GRIA1: variants seen among roughly 807,000 people sequenced by gnomAD.
GRIA1 encodes the protein glutamate ionotropic receptor AMPA type subunit 1.
In GRIA1, 31 loss-of-function variants were observed where a neutral mutation model predicts 99.2. That is an observed-to-expected ratio of 0.31 (90% CI 0.23 to 0.42). The LOEUF (loss-of-function observed/expected upper bound fraction) is 0.42. Among genes scored for constraint, GRIA1 ranks in the 10% least tolerant of loss-of-function variants. The pLI is 1.00. For synonymous variants in GRIA1, 438 were observed against 432.4 expected (o/e 1.01, Z -0.16); for missense variants, 782 against 1,157.5 (o/e 0.68, Z 4.71).
At chr5:153,734,059 T>C (rs1761220516) in intron 11 of GRIA1, among the ~76,000 whole-genome samples, 1 of 152,208 alleles carries the variant, frequency 6.6e-6, no homozygotes. Flanking sequence ...GAATGCACAT[T>C]CTTCTCAAGC....
intron 13 of GRIA1, among the ~76,000 whole-genome samples, chr5:153,789,282 T>C (rs896591735): frequency 6.6e-6 from 1 of 151,590 alleles, no homozygotes; most frequent in African/African-American, 2.4e-5. Context: ...GACCATCACC[T>C]TCCTTTGTAT....
intron 14 of GRIA1, among the ~76,000 whole-genome samples, chr5:153,798,860 A>T (rs565070451): frequency 2.0e-5 from 3 of 152,104 alleles, no homozygotes; most frequent in Non-Finnish European, 4.4e-5. Context: ...TAGGGGGGGA[A>T]ATCTCCTTTC....
chr5:153,527,241 A>G (rs951677856), intron 2 of GRIA1, among the ~76,000 whole-genome samples: 2 of 152,220 alleles, frequency 1.3e-5, no homozygotes, highest in African/African-American at 4.8e-5. Context: ...CACAATTTTG[A>G]AAGATTAAAA....
chr5:153,658,335 C>T (rs1203844748), intron 5 of GRIA1, among the ~76,000 whole-genome samples: 4 of 152,108 alleles, frequency 2.6e-5, no homozygotes, highest in Non-Finnish European at 5.9e-5. Flanking sequence ...ACATTGCCAG[C>T]CTCCATCTGT....
intron 11 of GRIA1, among the ~76,000 whole-genome samples, chr5:153,715,249 G>A (rs1759588909): frequency 6.6e-6 from 1 of 151,954 alleles, no homozygotes; most frequent in Admixed American, 6.6e-5. Context: ...GCCAAGTTGT[G>A]CTTCATTCTG....
At chr5:153,720,832 T>C (rs933275845) in intron 11 of GRIA1, among the ~76,000 whole-genome samples, 1 of 152,222 alleles carries the variant, frequency 6.6e-6, no homozygotes, top group African/African-American at 2.4e-5. Flanking sequence ...GTATTCTCCT[T>C]AGTACCATAA....
chr5:153,645,313 A>G (rs1294838880), intron 2 of GRIA1, among the ~76,000 whole-genome samples: 1 of 152,178 alleles, frequency 6.6e-6, no homozygotes, highest in Admixed American at 6.5e-5. Context: ...CAGATGGGTT[A>G]TATGGTTCAG....
intron 12 of GRIA1, 122 bp from the exon 13 acceptor site, chr5:153,770,046 T>G (rs1763769251): frequency 1.0e-6 from 1 of 974,906 alleles, no homozygotes; most frequent in African/African-American, 1.6e-5. Flanking sequence ...CATAATTTGT[T>G]TCTTCCTGAG....
At chr5:153,556,996 C>G (rs573239994) in intron 2 of GRIA1, among the ~76,000 whole-genome samples, 4 of 152,218 alleles carry the variant, frequency 2.6e-5, no homozygotes, top group African/African-American at 9.6e-5. Context: ...AATACTGAGG[C>G]AAGTGTAACA....
chr5:153,773,178 A>G (rs1763995486), intron 13 of GRIA1, among the ~76,000 whole-genome samples: 1 of 152,228 alleles, frequency 6.6e-6, no homozygotes, highest in African/African-American at 2.4e-5. Flanking sequence ...CAACATGACT[A>G]TGAAGTACCA....
intron 5 of GRIA1, among the ~76,000 whole-genome samples, chr5:153,667,451 G>T (rs1379003875): frequency 1.3e-5 from 2 of 152,144 alleles, no homozygotes; most frequent in Non-Finnish European, 2.9e-5. Flanking sequence ...CAGGCTTCTT[G>T]CCTGACCCAG....
intron 2 of GRIA1, among the ~76,000 whole-genome samples, chr5:153,573,770 G>A (rs1762314528): frequency 6.6e-6 from 1 of 152,188 alleles, no homozygotes; most frequent in Non-Finnish European, 1.5e-5. Context: ...GAGGAGACAG[G>A]TAACACATGT....
intron 14 of GRIA1, 46 bp downstream of exon 14, chr5:153,794,781 C>G: frequency 8.9e-7 from 1 of 1,125,908 alleles, no homozygotes; most frequent in Non-Finnish European, 1.3e-6. Context: ...TATGAAATAG[C>G]ATGGCTGGTA....
At chr5:153,642,141 C>T (rs1156379577) in intron 2 of GRIA1, among the ~76,000 whole-genome samples, 3 of 152,176 alleles carry the variant, frequency 2.0e-5, no homozygotes, top group Non-Finnish European at 4.4e-5. Flanking sequence ...CTTTATCTGG[C>T]ATCAGGGGAA....
chr5:153,507,031 G>A lies in GRIA1; in HGVS notation c.220+12966G>A, dbSNP rs528451044. ...TCAGCTACTTGGGAGGCTGAGGCACGAGAATTACTTGAATATGGGAGGTGG... is the reference window on the plus strand; with the variant it reads ...TCAGCTACTTGGGAGGCTGAGGCACAAGAATTACTTGAATATGGGAGGTGG... On this transcript the variant is annotated intron_variant, in intron 2 of 15. Transcript: ENST00000285900. Among the ~76,000 whole-genome samples the A allele has an allele frequency of 9.4e-4, 143 of 152,246 alleles. 1 individual carries two copies. The highest frequency in any genetic ancestry group is 3.4e-3 in the African/African-American group (140 of 41,542).
rs148939985 is a variant in GRIA1, at chr5:153,695,819, T to A, written c.1135-2225T>A. Among the ~76,000 whole-genome samples, 59 of 152,270 alleles carry A rather than the reference T, an allele frequency of 3.9e-4. 1 individual carries two copies. The Middle Eastern group carries it at 0.02, about 53-fold the overall frequency. ...TGAGAGACATGCTCCCCGTCAGACC[T>A]CCGAGCTGTCTCAGCATCGATAGGG... On this transcript the variant is annotated intron_variant, in intron 8 of 15. Transcript: ENST00000285900.
At chr5:153,626,573 C>T (rs1767648043) in intron 2 of GRIA1, among the ~76,000 whole-genome samples, 1 of 151,560 alleles carries the variant, frequency 6.6e-6, no homozygotes, top group Admixed American at 6.6e-5. Flanking sequence ...AAGTATAGAC[C>T]CTTAGCTCTC....
intron 11 of GRIA1, among the ~76,000 whole-genome samples, chr5:153,717,590 G>A (rs1335940724): frequency 6.6e-6 from 1 of 152,056 alleles, no homozygotes; most frequent in Admixed American, 6.5e-5. Flanking sequence ...TGACTTTTGG[G>A]GCCCTGTACC....
At chr5:153,777,332 A>G (rs539467549) in intron 13 of GRIA1, among the ~76,000 whole-genome samples, 4 of 152,130 alleles carry the variant, frequency 2.6e-5, no homozygotes, top group Non-Finnish European at 5.9e-5. Flanking sequence ...GATGACCAGG[A>G]ATCCTCATGG....
Sources: gnomAD v4.1 joint callset for allele counts (sites outside exome capture counted in the v4.1 genomes callset) on GRCh38, gnomAD v4.1.1 for gene constraint, MANE v1.5 for transcripts, NCBI Gene and HGNC (gene_info 2026-07-23, HGNC 2026-07-21) for gene names.